The following TMEFF2 variants were observed in gnomAD, a reference collection of about 807,000 sequenced individuals.
TMEFF2 encodes the protein tomoregulin-2.
A neutral mutation model predicts 53.8 loss-of-function variants in TMEFF2; 28 were observed. The ratio of observed to expected loss-of-function variants is 0.52; its 90% CI spans 0.39 to 0.71. The LOEUF is 0.71. Ranked by LOEUF, TMEFF2 falls within the 30% of genes least tolerant of loss-of-function variation. The pLI is 0.00. For synonymous variants in TMEFF2, 162 were observed against 166.3 expected, an observed-to-expected ratio of 0.97 and a Z score of 0.20; for missense variants, 353 against 455.2, an observed-to-expected ratio of 0.78 and a Z score of 2.04.
At chr2:191,975,984 T>C (rs1333923731) in intron 7 of TMEFF2, among the ~76,000 whole-genome samples, 1 of 152,200 alleles carries the variant, frequency 6.6e-6, no homozygotes, top group Non-Finnish European at 1.5e-5. Context: ...TCTCTAAATA[T>C]TTCTCAGTGT....
chr2:192,017,566 C>T lies in TMEFF2; in HGVS notation c.537-18358G>A, dbSNP rs547673133. 5.9e-5 allele frequency among the ~76,000 whole-genome samples: 9 copies of T among 152,264 alleles called. No homozygotes were observed. The South Asian group carries it at 1.5e-3, about 25-fold the overall frequency. ...TTCTCACTTGTTGTGTTACCACTCTCGCTGGTTTTCCTTGTACCTCTCTTT... is the reference window on the plus strand; with the variant it reads ...TTCTCACTTGTTGTGTTACCACTCTTGCTGGTTTTCCTTGTACCTCTCTTT... On this transcript the variant is annotated intron_variant, in intron 5 of 9. Transcript: ENST00000272771.
intron 7 of TMEFF2, among the ~76,000 whole-genome samples, chr2:191,967,005 G>A (rs1004724640): frequency 6.6e-6 from 1 of 150,634 alleles, no homozygotes; most frequent in African/African-American, 2.4e-5. Flanking sequence ...TAAAATTCTC[G>A]ATGAAAACTG....
chr2:192,033,050 G>A (rs537129145), intron 5 of TMEFF2, among the ~76,000 whole-genome samples: 1 of 152,162 alleles, frequency 6.6e-6, no homozygotes, highest in East Asian at 1.9e-4. Flanking sequence ...CAAACAATTG[G>A]TTTGATTGTG....
intron 5 of TMEFF2, among the ~76,000 whole-genome samples, chr2:192,022,325 T>C (rs947375501): frequency 6.6e-6 from 1 of 152,208 alleles, no homozygotes; most frequent in African/African-American, 2.4e-5. Context: ...GAGAGAGATA[T>C]GTGGTCCAGT....
intron 5 of TMEFF2, among the ~76,000 whole-genome samples, chr2:192,033,022 A>G (rs1687182406): frequency 6.6e-6 from 1 of 152,134 alleles, no homozygotes; most frequent in Admixed American, 6.5e-5. Context: ...TAAAGCACTA[A>G]TTTTGTTTTT....
chr2:192,057,692 C>G lies in TMEFF2; in HGVS notation c.523G>C (p.Ala175Pro). 1.2e-6 allele frequency: 2 copies of G among 1,613,972 alleles called. No homozygotes were observed. The highest frequency in any genetic ancestry group is 1.7e-6 in the Non-Finnish European group (2 of 1,179,862). The change falls in exon 5 of 10, where the codon GCC becomes CCC. Residue 175 changes from alanine (A) to proline (P), a missense_variant. Ala to Pro is a conservative substitution (Grantham distance 27). Coordinates refer to ENST00000272771, the MANE Select transcript of TMEFF2 (RefSeq NM_016192.4). ...ACAGCATATTACCAGACATCCTCGG[C>G]ATCTTCGTCACATTCTGCACCAAAC... Reference protein sequence around the residue: ...CQFGAECDEDAEDVWCVCNID... With the variant: ...CQFGAECDEDPEDVWCVCNID...
At chr2:192,108,072 C>T (rs547068369) in intron 4 of TMEFF2, among the ~76,000 whole-genome samples, 5 of 151,404 alleles carry the variant, frequency 3.3e-5, no homozygotes, top group African/African-American at 1.2e-4. Context: ...GATAGCTAGT[C>T]GTTCGTTATA....
chr2:192,048,229 A>C (rs994754516), intron 5 of TMEFF2, among the ~76,000 whole-genome samples: 4 of 152,112 alleles, frequency 2.6e-5, no homozygotes, highest in African/African-American at 9.7e-5. Context: ...ATTGCATTCC[A>C]GTATAAATAC....
chr2:192,192,629 A>C (rs1691491135), intron 1 of TMEFF2, among the ~76,000 whole-genome samples: 1 of 152,176 alleles, frequency 6.6e-6, no homozygotes. Flanking sequence ...TATTCTCTTT[A>C]GTTTATGCAG....
intron 4 of TMEFF2, among the ~76,000 whole-genome samples, chr2:192,110,054 T>G (rs2105953962): frequency 6.6e-6 from 1 of 152,166 alleles, no homozygotes; most frequent in East Asian, 1.9e-4. Context: ...GACTATTCAC[T>G]GAGGAACTCC....
chr2:192,061,675 G>A (rs1004913722), intron 4 of TMEFF2, among the ~76,000 whole-genome samples: 1 of 152,234 alleles, frequency 6.6e-6, no homozygotes, highest in South Asian at 2.1e-4. Context: ...ATGTTGAGGT[G>A]TAATCCTCAA....
chr2:192,074,960 A>C (rs1482779211), intron 4 of TMEFF2, among the ~76,000 whole-genome samples: 3 of 151,582 alleles, frequency 2.0e-5, no homozygotes, highest in African/African-American at 7.3e-5. Context: ...ATTTTTGTAT[A>C]TATTTCTCTT....
chr2:192,148,184 C>A (rs1471703368), intron 4 of TMEFF2, among the ~76,000 whole-genome samples: 1 of 152,012 alleles, frequency 6.6e-6, no homozygotes. Context: ...CAGTGATACA[C>A]TGGTTCACTC....
At chr2:192,127,420 T>C (rs1004789461) in intron 4 of TMEFF2, among the ~76,000 whole-genome samples, 1 of 152,216 alleles carries the variant, frequency 6.6e-6, no homozygotes, top group African/African-American at 2.4e-5. Context: ...AGTGTTACCC[T>C]TCCTGCCTTC....
intron 4 of TMEFF2, among the ~76,000 whole-genome samples, chr2:192,069,629 C>G (rs902422738): frequency 6.6e-6 from 1 of 151,670 alleles, no homozygotes; most frequent in Non-Finnish European, 1.5e-5. Context: ...AAACCATTAG[C>G]TCAGTCTGAA....
chr2:192,013,553 C>T (rs1686679488), intron 5 of TMEFF2, among the ~76,000 whole-genome samples: 2 of 151,922 alleles, frequency 1.3e-5, no homozygotes, highest in African/African-American at 2.4e-5. Flanking sequence ...TGGGTTCAAG[C>T]GATTCTCATG....
chr2:192,126,456 G>A (rs1348347673), intron 4 of TMEFF2, among the ~76,000 whole-genome samples: 3 of 152,060 alleles, frequency 2.0e-5, no homozygotes, highest in African/African-American at 4.8e-5. Flanking sequence ...GATATTGTAT[G>A]ATATATGTCA....
intron 7 of TMEFF2, among the ~76,000 whole-genome samples, chr2:191,964,214 TTCTG>T (rs201022991): frequency 0.066 from 9,743 of 148,486 alleles, 517 homozygotes; most frequent in African/African-American, 0.14. Flanking sequence ...CTTTCTCTCT[TTCTG>T]TCTGTCTTTC....
At chr2:192,168,519 A>G (rs1574430799) in intron 4 of TMEFF2, among the ~76,000 whole-genome samples, 1 of 152,108 alleles carries the variant, frequency 6.6e-6, no homozygotes, top group Non-Finnish European at 1.5e-5. Flanking sequence ...AATATCTTCA[A>G]TTCTTTTCTT....
Sources: gnomAD v4.1 joint callset for allele counts (sites outside exome capture counted in the v4.1 genomes callset) on GRCh38, gnomAD v4.1.1 for gene constraint, MANE v1.5 for transcripts, NCBI Gene and HGNC (gene_info 2026-07-23, HGNC 2026-07-21) for gene names.